The following SLC4A10 variants were observed in gnomAD, a reference collection of about 807,000 sequenced individuals.
SLC4A10 encodes solute carrier family 4 member 10, also known as sodium-driven chloride bicarbonate exchanger.
SLC4A10 carries 42 observed loss-of-function variants against 137.7 expected under a neutral mutation model. The observed-to-expected ratio is 0.30, with a 90% CI of 0.24 to 0.39. The LOEUF is 0.39. Among genes scored for constraint, SLC4A10 ranks in the 10% least tolerant of loss-of-function variants. SLC4A10 has a pLI of 1.00. For synonymous variants in SLC4A10, 474 were observed against 464.1 expected (o/e 1.02, Z -0.27); for missense variants, 925 against 1,355.0 (o/e 0.68, Z 4.98).
chr2:161,869,408 A>G (rs910218822), intron 6 of SLC4A10, among the ~76,000 whole-genome samples: 2 of 151,720 alleles, frequency 1.3e-5, no homozygotes, highest in African/African-American at 4.8e-5. Flanking sequence ...AGAGAAAAAT[A>G]TATTTAAACA....
chr2:161,707,420 G>T (rs551431668), intron 1 of SLC4A10, among the ~76,000 whole-genome samples: 66 of 151,184 alleles, frequency 4.4e-4, no homozygotes, highest in African/African-American at 1.6e-3. Context: ...GTTGCACTTG[G>T]TGTCTTAATT....
chr2:161,900,290 T>C (rs976942891), intron 11 of SLC4A10, among the ~76,000 whole-genome samples: 1 of 152,136 alleles, frequency 6.6e-6, no homozygotes, highest in Admixed American at 6.6e-5. Context: ...TGGCACTCTA[T>C]GAGTTAGAAA....
At chr2:161,933,895 C>T (rs920777210) in intron 15 of SLC4A10, among the ~76,000 whole-genome samples, 11 of 152,146 alleles carry the variant, frequency 7.2e-5, no homozygotes, top group African/African-American at 2.7e-4. Context: ...TTTGAAGAAA[C>T]TCCGTACTGT....
At chr2:161,854,821 A>G (rs1206234960) in intron 4 of SLC4A10, 149 bp from the exon 5 acceptor site, 5 of 621,250 alleles carry the variant, frequency 8.0e-6, no homozygotes, top group Non-Finnish European at 1.2e-5. Context: ...AATAAGCCAA[A>G]TGGCTTAGAC....
chr2:161,697,849 C>T (rs994970226), intron 1 of SLC4A10, among the ~76,000 whole-genome samples: 1 of 152,206 alleles, frequency 6.6e-6, no homozygotes, highest in African/African-American at 2.4e-5. Context: ...TGAAGAAAGT[C>T]ATTGGTAGCT....
At chr2:161,741,435 C>G (rs1028449320) in intron 1 of SLC4A10, among the ~76,000 whole-genome samples, 13 of 152,064 alleles carry the variant, frequency 8.5e-5, no homozygotes, top group Non-Finnish European at 4.4e-5. Context: ...ACTTATTATT[C>G]ATCTTACATA....
At chr2:161,779,700 TA>T (rs1281447187) in intron 2 of SLC4A10, among the ~76,000 whole-genome samples, 1 of 152,062 alleles carries the variant, frequency 6.6e-6, no homozygotes, top group Non-Finnish European at 1.5e-5. Context: ...ATTTTACCTC[TA>T]AAATCTTATG....
chr2:161,830,364 A>ATCCATTT (rs2058355727), intron 3 of SLC4A10, among the ~76,000 whole-genome samples: 2 of 152,036 alleles, frequency 1.3e-5, no homozygotes, highest in African/African-American at 4.8e-5. Context: ...CAATTTTTCC[A>ATCCATTT]TCCATTTTCA....
intron 8 of SLC4A10, among the ~76,000 whole-genome samples, chr2:161,875,981 C>T (rs1227921905): frequency 6.6e-6 from 1 of 152,118 alleles, no homozygotes; most frequent in African/African-American, 2.4e-5. Context: ...TCCTTTAACT[C>T]TTAGCGTGTA....
chr2:161,649,723 A>G (rs1574095972), intron 1 of SLC4A10, among the ~76,000 whole-genome samples: 1 of 151,858 alleles, frequency 6.6e-6, no homozygotes, highest in East Asian at 1.9e-4. Flanking sequence ...TTTGTATTTT[A>G]GTCAAGTTCA....
At chr2:161,698,892 C>T (rs945169035) in intron 1 of SLC4A10, among the ~76,000 whole-genome samples, 1 of 152,116 alleles carries the variant, frequency 6.6e-6, no homozygotes, top group Non-Finnish European at 1.5e-5. Flanking sequence ...GGTAGCAGCT[C>T]CTCCTTGTAC....
At chr2:161,878,277 G>A (rs982467815) in intron 8 of SLC4A10, among the ~76,000 whole-genome samples, 1 of 152,032 alleles carries the variant, frequency 6.6e-6, no homozygotes, top group Non-Finnish European at 1.5e-5. Flanking sequence ...TTCATAAAAA[G>A]CTACTCAAGT....
Position 161,895,126 on chromosome 2 carries a change from A to AT in SLC4A10, c.1341+303dup, listed in dbSNP as rs201557959. On this transcript the variant is annotated intron_variant, in intron 11 of 26. Transcript: ENST00000446997. ...CCCCTTCCTGTGTCCATGTGTTCTC[A>AT]TTGTTCAATTCCTATCTATGAGTGA... is the stretch of plus-strand genomic sequence containing the variant. 8.6e-3 allele frequency among the ~76,000 whole-genome samples: 1,161 copies of AT among 135,402 alleles called. 5 individuals are homozygous for AT. Among genetic ancestry groups the AT allele is most frequent in the Middle Eastern group, 0.054 (13 of 242 alleles). The allele number at this position is 135,402 out of a possible 152,430, so 88.8% of individuals were successfully genotyped here. A position where few individuals can be genotyped will look rare whatever the true frequency, so the allele number is the denominator to read the frequency against.
intron 12 of SLC4A10, 61 bp from the exon 13 acceptor site, chr2:161,903,943 A>T: frequency 1.3e-6 from 2 of 1,482,378 alleles, no homozygotes; most frequent in Non-Finnish European, 1.8e-6. Flanking sequence ...GCAAATGAGC[A>T]TTTTGACTTG....
chr2:161,944,333 C>G (rs1334475162), intron 16 of SLC4A10, among the ~76,000 whole-genome samples: 2 of 151,842 alleles, frequency 1.3e-5, no homozygotes, highest in East Asian at 3.9e-4. Context: ...TATGAAAACC[C>G]AAATGATCCC....
chr2:161,633,000 T>C (rs2033835443), intron 1 of SLC4A10, among the ~76,000 whole-genome samples: 1 of 151,620 alleles, frequency 6.6e-6, no homozygotes, highest in African/African-American at 2.4e-5. Context: ...TGTATATACA[T>C]GTATATATAT....
intron 15 of SLC4A10, among the ~76,000 whole-genome samples, chr2:161,906,305 C>T (rs1234125219): frequency 1.3e-5 from 2 of 151,982 alleles, no homozygotes; most frequent in African/African-American, 2.4e-5. Flanking sequence ...GTAAAATAAA[C>T]TTATTGGGTC....
intron 3 of SLC4A10, among the ~76,000 whole-genome samples, chr2:161,828,936 A>G (rs1559343425): frequency 6.7e-6 from 1 of 149,730 alleles, no homozygotes; most frequent in Non-Finnish European, 1.5e-5. Context: ...TTATTCTATT[A>G]GAATAATTCT....
intron 1 of SLC4A10, among the ~76,000 whole-genome samples, chr2:161,654,332 G>A (rs943433241): frequency 4.6e-5 from 7 of 152,210 alleles, no homozygotes; most frequent in South Asian, 2.1e-4. Flanking sequence ...TGTAGGTTGC[G>A]TTTTCACTCT....
Sources: allele counts gnomAD v4.1 joint callset (sites outside exome capture counted in the v4.1 genomes callset), GRCh38; gene constraint gnomAD v4.1.1; transcripts MANE v1.5; gene names NCBI Gene and HGNC (gene_info 2026-07-23, HGNC 2026-07-21).